Variants in HELZ observed in about 807,000 individuals in gnomAD.
The protein encoded by HELZ is helicase with zinc finger.
HELZ carries 23 observed loss-of-function variants against 218.2 expected under a neutral mutation model. The observed-to-expected ratio is 0.11, with a 90% confidence interval of 0.08 to 0.15. The LOEUF (loss-of-function observed/expected upper bound fraction) is 0.15, where lower values mean the gene tolerates loss of function less well. Ranked by LOEUF, HELZ falls within the 10% of genes least tolerant of loss-of-function variation. The pLI, the probability that HELZ is intolerant of heterozygous loss-of-function variation, is 1.00. For missense variants in HELZ, 1,813 were observed against 2,353.7 expected, an observed-to-expected ratio of 0.77 and a Z score of 4.75; for synonymous variants, 814 against 829.4, an observed-to-expected ratio of 0.98 and a Z score of 0.32.
Position 67,193,989 on chromosome 17 carries a change from C to T in HELZ, c.535G>A (p.Glu179Lys), listed in dbSNP as rs888027117. 14 of 1,613,492 alleles carry T rather than the reference C, an allele frequency of 8.7e-6. No homozygotes were observed. The highest frequency in any genetic ancestry group is 1.1e-5 in the Non-Finnish European group (13 of 1,179,852). Residue 179 changes from glutamate to lysine, a missense_variant, in exon 9 of 33, where the codon GAG becomes AAG. Around this residue, in one of 4 missense-constraint regions of HELZ, gnomAD observed 714 missense variants for 1,029.2 expected, o/e 0.69. Coordinates refer to ENST00000358691, the MANE Select transcript of HELZ (RefSeq NM_014877.4). The stretch of plus-strand genomic sequence containing the variant: ...TACCTTTTACACAAAGTATATTCCT[C>T]GCTGCTTGTGATTCCCCTAGGTGGT... Reference protein sequence around the residue: ...RPPPRGITSSEEYTLCKRFLE... With the variant: ...RPPPRGITSSKEYTLCKRFLE...
At chr17:67,167,184 TAC>T (rs1196292943) in intron 14 of HELZ, among the ~76,000 whole-genome samples, 1 of 152,240 alleles carries the variant, frequency 6.6e-6, no homozygotes, top group Non-Finnish European at 1.5e-5. Flanking sequence ...GGAGGTAGCT[TAC>T]ATAGTTTCTT....
At chr17:67,184,124 T>A (rs2039686814) in intron 12 of HELZ, among the ~76,000 whole-genome samples, 1 of 152,308 alleles carries the variant, frequency 6.6e-6, no homozygotes, top group East Asian at 1.9e-4. Context: ...TATAAACATT[T>A]GCTATATAAC....
At position 67,195,314 on chromosome 17, in the gene HELZ, T is replaced by A. The variant is rs2039994967; in HGVS notation, c.481+105A>T. The A allele has an allele frequency of 6.0e-6, 4 of 663,932 alleles. No homozygotes were observed. The East Asian group carries it at 1.1e-4, about 18-fold the overall frequency. The allele number at this position is 663,932 out of a possible 1,614,324, so 41.1% of individuals were successfully genotyped here. On this transcript the variant is annotated intron_variant, in intron 8 of 32. Coordinates refer to ENST00000358691, the MANE Select transcript of HELZ (RefSeq NM_014877.4). The stretch of plus-strand genomic sequence containing the variant: ...TTAAAATCTTATATTCTCTCCTACA[T>A]CTCCACTTATATGTACTGTAACTCA...
Position 67,071,103 on chromosome 17 carries a change from C to T in HELZ, c.*7149G>A, listed in dbSNP as rs1298228571. 6.6e-6 allele frequency: 1 copy of T among 152,378 alleles called. No individual in the cohort carries two copies. The highest frequency in any genetic ancestry group is 1.5e-5 in the Non-Finnish European group (1 of 68,030). 9.4% of individuals were successfully genotyped at this position (152,378 alleles called of 1,614,324 possible). ...ATATTTACCTAGGATACAACTACTA[C>T]ATATAGCCAGTACCTTTATGGGGTT... On this transcript the variant is annotated 3_prime_UTR_variant, in exon 33 of 33. Coordinates refer to ENST00000358691, the MANE Select transcript of HELZ (RefSeq NM_014877.4).
At chr17:67,118,990 T>C (rs1465902967) in intron 27 of HELZ, among the ~76,000 whole-genome samples, 2 of 151,930 alleles carry the variant, frequency 1.3e-5, no homozygotes, top group African/African-American at 4.8e-5. Context: ...AGAGTAAAAT[T>C]TAAAAAAAGA....
intron 31 of HELZ, among the ~76,000 whole-genome samples, chr17:67,087,799 G>A (rs998966067): frequency 3.9e-5 from 6 of 152,092 alleles, no homozygotes; most frequent in African/African-American, 7.2e-5. Context: ...TAACCCTTCC[G>A]ACAAGATCTA....
intron 27 of HELZ, among the ~76,000 whole-genome samples, chr17:67,118,572 T>TA (rs1000473989): frequency 6.6e-6 from 1 of 151,066 alleles, no homozygotes; most frequent in Non-Finnish European, 1.5e-5. Flanking sequence ...AAATGAAAGC[T>TA]AGACACAGTG....
At chr17:67,193,448 T>A (rs1355904319) in intron 9 of HELZ, among the ~76,000 whole-genome samples, 1 of 151,970 alleles carries the variant, frequency 6.6e-6, no homozygotes, top group Non-Finnish European at 1.5e-5. Context: ...CCAGGCACAG[T>A]GGCTCACGCC....
chr17:67,167,374 C>T (rs920089000), intron 14 of HELZ, 89 bp downstream of exon 14: 20 of 990,284 alleles, frequency 2.0e-5, no homozygotes, highest in African/African-American at 1.6e-4. Flanking sequence ...CTTTTGTTTA[C>T]GGCAGAAGAA....
chr17:67,210,720 G>A (rs2040427417), intron 5 of HELZ, among the ~76,000 whole-genome samples: 1 of 152,058 alleles, frequency 6.6e-6, no homozygotes, highest in Non-Finnish European at 1.5e-5. Flanking sequence ...TCAAGAGATG[G>A]AGACCATCCT....
intron 8 of HELZ, among the ~76,000 whole-genome samples, chr17:67,194,780 C>A (rs2039981605): frequency 6.6e-6 from 1 of 152,112 alleles, no homozygotes; most frequent in African/African-American, 2.4e-5. Flanking sequence ...ACTATGCCCC[C>A]CAGAAAAGGA....
intron 24 of HELZ, among the ~76,000 whole-genome samples, chr17:67,125,747 TAA>T (rs1024865080): frequency 6.6e-6 from 1 of 152,134 alleles, no homozygotes; most frequent in African/African-American, 2.4e-5. Context: ...GAATATTAAT[TAA>T]AGTTATAAAT....
At chr17:67,164,102 C>T (rs2039069063) in intron 15 of HELZ, among the ~76,000 whole-genome samples, 1 of 151,888 alleles carries the variant, frequency 6.6e-6, no homozygotes, top group Non-Finnish European at 1.5e-5. Context: ...TTAAATGTGC[C>T]GAATATGAAT....
chr17:67,176,116 A>G (rs1213412071), intron 13 of HELZ, among the ~76,000 whole-genome samples: 1 of 152,204 alleles, frequency 6.6e-6, no homozygotes, highest in East Asian at 1.9e-4. Flanking sequence ...TCATTATGGA[A>G]CATTTCAAAA....
chr17:67,235,363 G>A (rs1352794389), intron 3 of HELZ, among the ~76,000 whole-genome samples: 1 of 152,052 alleles, frequency 6.6e-6, no homozygotes. Context: ...AAATTAGCAG[G>A]GCATGGTAGT....
intron 20 of HELZ, among the ~76,000 whole-genome samples, chr17:67,147,127 C>T (rs955034228): frequency 1.3e-4 from 20 of 152,170 alleles, no homozygotes; most frequent in Middle Eastern, 3.4e-3. Flanking sequence ...AACCATCATG[C>T]TGTTTGTCAA....
intron 7 of HELZ, among the ~76,000 whole-genome samples, chr17:67,198,186 TA>T (rs1253663193): frequency 2.0e-5 from 3 of 152,312 alleles, no homozygotes; most frequent in Non-Finnish European, 1.5e-5. Context: ...ATAATGGGAA[TA>T]AAAATGTTTG....
intron 3 of HELZ, chr17:67,225,683 C>T (rs1401682473): frequency 6.6e-6 from 1 of 152,092 alleles, no homozygotes; most frequent in East Asian, 1.9e-4. Context: ...TAATTAGCAC[C>T]ATCTTTCCAT....
Position 67,234,024 on chromosome 17 carries a change from C to T in HELZ, c.-19+5409G>A, listed in dbSNP as rs149537852. Among the ~76,000 whole-genome samples, 701 of 133,990 alleles carry T rather than the reference C, an allele frequency of 5.2e-3. 3 individuals carry two copies. Among genetic ancestry groups the T allele is most frequent in the Admixed American group, 9.3e-3 (111 of 11,878 alleles). The allele number at this position is 133,990 out of a possible 152,430, so 87.9% of individuals were successfully genotyped here. On this transcript the variant is annotated intron_variant, in intron 3 of 32. Transcript: ENST00000358691. ...TAGCACCATGGCACTCCAGCCTGGGCGACAGACAGACTCCATCTCAAAAAA... is the reference window on the plus strand; with the variant it reads ...TAGCACCATGGCACTCCAGCCTGGGTGACAGACAGACTCCATCTCAAAAAA...
Sources: allele counts gnomAD v4.1 joint callset (sites outside exome capture counted in the v4.1 genomes callset), GRCh38; gene constraint gnomAD v4.1.1; regional missense constraint gnomAD v4.1.1; transcripts MANE v1.5; gene names NCBI Gene and HGNC (gene_info 2026-07-23, HGNC 2026-07-21).